The following KCNH7 variants were observed in gnomAD, a reference collection of about 807,000 sequenced individuals.
KCNH7 encodes potassium voltage-gated channel subfamily H member 7.
In KCNH7, 49 loss-of-function variants were observed where a neutral mutation model predicts 120.8. The ratio of observed to expected loss-of-function variants is 0.41; its 90% CI spans 0.32 to 0.51. The LOEUF (loss-of-function observed/expected upper bound fraction) is 0.51, where lower values mean the gene tolerates loss of function less well. Among genes scored for constraint, KCNH7 ranks in the 20% least tolerant of loss-of-function variants. The pLI is 0.38. For missense variants in KCNH7, 1,097 were observed against 1,446.6 expected (o/e 0.76, Z 3.92); for synonymous variants, 547 against 516.1 (o/e 1.06, Z -0.81).
At chr2:162,661,830 C>A (rs1684969650) in intron 2 of KCNH7, among the ~76,000 whole-genome samples, 1 of 152,158 alleles carries the variant, frequency 6.6e-6, no homozygotes, top group Non-Finnish European at 1.5e-5. Context: ...ACTATTGCAT[C>A]ATCTCTTTTT....
chr2:162,629,334 T>A (rs1574192911), intron 2 of KCNH7, among the ~76,000 whole-genome samples: 1 of 152,082 alleles, frequency 6.6e-6, no homozygotes, highest in Admixed American at 6.6e-5. Flanking sequence ...ACCATTCCCA[T>A]TGCCATTTCT....
At chr2:162,486,187 A>G (rs542816542) in intron 6 of KCNH7, among the ~76,000 whole-genome samples, 30 of 152,278 alleles carry the variant, frequency 2.0e-4, no homozygotes, top group African/African-American at 7.2e-4. Context: ...ACCATAGGCC[A>G]CTTCACCTCT....
chr2:162,418,696 C>T (rs1024259313), intron 9 of KCNH7, among the ~76,000 whole-genome samples: 1 of 152,042 alleles, frequency 6.6e-6, no homozygotes, highest in Non-Finnish European at 1.5e-5. Flanking sequence ...CAGAGATAAG[C>T]TCTGTGTTAA....
At chr2:162,593,592 A>C (rs538820003) in intron 2 of KCNH7, among the ~76,000 whole-genome samples, 16 of 152,170 alleles carry the variant, frequency 1.1e-4, no homozygotes, top group African/African-American at 3.9e-4. Context: ...TGTAGGCAGC[A>C]ATAAGAATCG....
At chr2:162,737,670 A>G (rs1687964914) in intron 2 of KCNH7, among the ~76,000 whole-genome samples, 1 of 152,190 alleles carries the variant, frequency 6.6e-6, no homozygotes, top group Admixed American at 6.5e-5. Flanking sequence ...CAAACACTTT[A>G]CTGAGTCCAA....
chr2:162,687,594 A>G (rs1685941400), intron 2 of KCNH7, among the ~76,000 whole-genome samples: 1 of 152,074 alleles, frequency 6.6e-6, no homozygotes, highest in South Asian at 2.1e-4. Flanking sequence ...GCTTGAGATC[A>G]GCTATGTTGG....
chr2:162,741,286 TACATATTAATAACATATGTTATTAATTAC>T (rs1559110393), intron 2 of KCNH7, among the ~76,000 whole-genome samples: 24 of 144,392 alleles, frequency 1.7e-4, no homozygotes, highest in Admixed American at 7.6e-4. Flanking sequence ...TTATTAGTTA[TACATATTAATAACATATGTTATTAATTAC>T]ACATATTAAT....
chr2:162,530,609 C>A (rs1036999611), intron 3 of KCNH7, among the ~76,000 whole-genome samples: 2 of 151,940 alleles, frequency 1.3e-5, no homozygotes, highest in African/African-American at 4.8e-5. Flanking sequence ...TATTTCAGAT[C>A]ATTTCAAGTG....
At chr2:162,604,237 T>A (rs1470802532) in intron 2 of KCNH7, among the ~76,000 whole-genome samples, 2 of 152,108 alleles carry the variant, frequency 1.3e-5, no homozygotes, top group Non-Finnish European at 2.9e-5. Context: ...GCTTTGGTGA[T>A]GAAAAAGAAG....
intron 14 of KCNH7, among the ~76,000 whole-genome samples, chr2:162,376,913 A>G (rs1011370110): frequency 6.6e-6 from 1 of 152,178 alleles, no homozygotes. Context: ...AACCCTATCT[A>G]TAGGTTAATC....
intron 2 of KCNH7, among the ~76,000 whole-genome samples, chr2:162,615,130 T>C (rs1395130133): frequency 2.0e-5 from 3 of 152,186 alleles, no homozygotes; most frequent in Admixed American, 1.3e-4. Flanking sequence ...ATATCACTTG[T>C]GGTTTTCATT....
intron 6 of KCNH7, among the ~76,000 whole-genome samples, chr2:162,486,785 G>A (rs928821618): frequency 6.6e-6 from 1 of 152,076 alleles, no homozygotes; most frequent in Non-Finnish European, 1.5e-5. Context: ...TGGATGTCTA[G>A]TATCAACAAA....
chr2:162,541,293 T>C (rs10204218), intron 2 of KCNH7, among the ~76,000 whole-genome samples: 15,034 of 152,050 alleles, frequency 0.099, 2,336 homozygotes, highest in African/African-American at 0.33. Flanking sequence ...TCAATATAGT[T>C]GGAAAACTAT....
chr2:162,773,069 T>C (rs1172452283), intron 2 of KCNH7, among the ~76,000 whole-genome samples: 1 of 152,208 alleles, frequency 6.6e-6, no homozygotes, highest in African/African-American at 2.4e-5. Flanking sequence ...ACATATTTTG[T>C]AGAACGGTAG....
chr2:162,705,762 C>T (rs1686677284), intron 2 of KCNH7, among the ~76,000 whole-genome samples: 1 of 151,968 alleles, frequency 6.6e-6, no homozygotes, highest in Admixed American at 6.6e-5. Context: ...TGAGAGGATC[C>T]AGCAGAAAGT....
intron 4 of KCNH7, among the ~76,000 whole-genome samples, chr2:162,514,670 T>C (rs1049076685): frequency 5.3e-5 from 8 of 151,746 alleles, no homozygotes; most frequent in African/African-American, 1.9e-4. Context: ...TTTATGTCTA[T>C]TTTTTACATT....
intron 2 of KCNH7, among the ~76,000 whole-genome samples, chr2:162,575,693 T>A (rs903893397): frequency 6.6e-6 from 1 of 152,120 alleles, no homozygotes; most frequent in African/African-American, 2.4e-5. Context: ...CTGGCCACTA[T>A]TATCTGCTCA....
chr2:162,752,944 A>G lies in KCNH7; in HGVS notation c.307+83593T>C, dbSNP rs898046452. ...AAAAGAAAAGAAAAGAAAAGAAAAG[A>G]AAAGAAAAGAAAAGAAAAGAAAAGA... On this transcript the variant is annotated intron_variant, in intron 2 of 15. Coordinates refer to ENST00000332142, the MANE Select transcript of KCNH7 (RefSeq NM_033272.4). Among the ~76,000 whole-genome samples, 6 of 102,534 alleles carry G rather than the reference A, an allele frequency of 5.9e-5. No individual in the cohort carries two copies. In the East Asian group the frequency reaches 1.3e-3, roughly 23 times the overall value. The allele number at this position is 102,534 out of a possible 152,430, so 67.3% of individuals were successfully genotyped here.
At chr2:162,460,509 A>T (rs188290829) in intron 6 of KCNH7, among the ~76,000 whole-genome samples, 1 of 152,320 alleles carries the variant, frequency 6.6e-6, no homozygotes, top group East Asian at 1.9e-4. Flanking sequence ...AGAAGAGAAG[A>T]AATACAGAGA....
Sources: gnomAD v4.1 joint callset for allele counts (sites outside exome capture counted in the v4.1 genomes callset) on GRCh38, gnomAD v4.1.1 for gene constraint, MANE v1.5 for transcripts, NCBI Gene and HGNC (gene_info 2026-07-23, HGNC 2026-07-21) for gene names.